The following NRP2 variants were observed in gnomAD, a reference collection of about 807,000 sequenced individuals.
The protein encoded by NRP2 is neuropilin 2, also known as neuropilin-2.
NRP2 carries 52 observed loss-of-function variants against 110.4 expected under a neutral mutation model. The observed-to-expected ratio is 0.47, with a 90% CI of 0.38 to 0.59. NRP2 has a LOEUF of 0.59. Ranked by LOEUF, NRP2 falls within the 20% of genes least tolerant of loss-of-function variation. NRP2 has a pLI of 0.00. For synonymous variants in NRP2, 508 were observed against 468.9 expected (o/e 1.08, Z -1.08); for missense variants, 1,049 against 1,203.0 (o/e 0.87, Z 1.89).
chr2:205,761,681 T>C (rs1251704740), intron 12 of NRP2, among the ~76,000 whole-genome samples: 4 of 152,160 alleles, frequency 2.6e-5, no homozygotes, highest in Non-Finnish European at 5.9e-5. Flanking sequence ...CAGAGTGTGA[T>C]TGATTGCAAG....
chr2:205,778,374 G>T (rs980456131), intron 15 of NRP2: 3 of 152,100 alleles, frequency 2.0e-5, no homozygotes, highest in African/African-American at 4.8e-5. Flanking sequence ...CTATTTCAAA[G>T]AGCTACTCTG....
chr2:205,695,138 C>T (rs1039180495), intron 1 of NRP2, among the ~76,000 whole-genome samples: 4 of 152,132 alleles, frequency 2.6e-5, no homozygotes, highest in Admixed American at 2.0e-4. Flanking sequence ...ACAACTGAAG[C>T]AGATGTTCTA....
At chr2:205,719,536 ATG>A (rs142071748) in intron 3 of NRP2, among the ~76,000 whole-genome samples, 14 of 151,368 alleles carry the variant, frequency 9.2e-5, no homozygotes, top group Admixed American at 3.9e-4. Flanking sequence ...TCAGTGGAAA[ATG>A]TGTGTGTGTG....
intron 1 of NRP2, among the ~76,000 whole-genome samples, chr2:205,685,530 G>A (rs1310201977): frequency 6.6e-6 from 1 of 152,228 alleles, no homozygotes; most frequent in Non-Finnish European, 1.5e-5. Flanking sequence ...AGGTGCGCGC[G>A]GGGGAGCAAC....
chr2:205,710,560 C>T (rs181559105), intron 2 of NRP2, among the ~76,000 whole-genome samples: 1 of 152,210 alleles, frequency 6.6e-6, no homozygotes, highest in Non-Finnish European at 1.5e-5. Context: ...AAAAGTCTGA[C>T]CTGACAGTGA....
rs3072627 is a variant in NRP2 at position 205,697,312 on chromosome 2, C to CTGTGTGTGTGTGTGTGTGTGTGTG, written c.74-222_74-199dup. 7.2e-3 allele frequency among the ~76,000 whole-genome samples: 998 copies of CTGTGTGTGTGTGTGTGTGTGTGTG among 137,894 alleles called. 27 individuals carry two copies. Among genetic ancestry groups the CTGTGTGTGTGTGTGTGTGTGTGTG allele is most frequent in the African/African-American group, 0.026 (914 of 34,678 alleles). The allele number at this position is 137,894 out of a possible 152,430, so 90.5% of individuals were successfully genotyped here. A position where few individuals can be genotyped will look rare whatever the true frequency, so the allele number is the denominator to read the frequency against. On this transcript the variant is annotated intron_variant, in intron 1 of 16. Transcript: ENST00000357785. ...TGGCCATGTTCTGGAATACTTTCAT[C>CTGTGTGTGTGTGTGTGTGTGTGTG]TGTGTGTGTGTGTGTGTGTGTGTGT...
chr2:205,698,063 C>T (rs2056473264), intron 2 of NRP2, among the ~76,000 whole-genome samples: 1 of 152,056 alleles, frequency 6.6e-6, no homozygotes, highest in South Asian at 2.1e-4. Context: ...TGGAGATCTC[C>T]CCATTTCCAC....
In NRP2 at chr2:205,716,253, CTG is replaced by C. The variant is rs745414434; in HGVS notation, c.315_316del (p.Cys105TrpfsTer42). ...SESADLLGKH[C>X]GNIAPPTIIS... ...AATCCGCAGACCTCCTGGGCAAACA[CTG>C]TGGGAACATCGCCCCGCCCACCATC... On this transcript the variant is annotated frameshift_variant, in exon 3 of 17. Coordinates refer to ENST00000357785, the MANE Select transcript of NRP2 (RefSeq NM_003872.3). LOFTEE classifies it high-confidence loss of function. 1.9e-6 allele frequency: 3 copies of C among 1,614,220 alleles called. No homozygotes were observed. The highest frequency in any genetic ancestry group is 2.5e-6 in the Non-Finnish European group (3 of 1,180,044).
chr2:205,740,797 C>T, intron 8 of NRP2, 134 bp downstream of exon 8: 1 of 947,996 alleles, frequency 1.1e-6, no homozygotes, highest in South Asian at 1.6e-5. Context: ...CAAGTCCTAC[C>T]AGAGTTTGTC....
chr2:205,734,052 A>G (rs1382108335), intron 7 of NRP2, among the ~76,000 whole-genome samples: 1 of 152,124 alleles, frequency 6.6e-6, no homozygotes, highest in Non-Finnish European at 1.5e-5. Context: ...TGACAAAAAC[A>G]GCCCGAAAGT....
intron 2 of NRP2, among the ~76,000 whole-genome samples, chr2:205,706,331 A>C (rs1452394918): frequency 2.6e-5 from 4 of 151,826 alleles, no homozygotes; most frequent in Non-Finnish European, 5.9e-5. Context: ...ACGAGGGGGG[A>C]AATGGTGGAA....
At chr2:205,768,917 A>G (rs1313423898) in intron 15 of NRP2, among the ~76,000 whole-genome samples, 1 of 152,228 alleles carries the variant, frequency 6.6e-6, no homozygotes, top group East Asian at 1.9e-4. Context: ...CACGTTTTAC[A>G]TGGAGATCTG....
chr2:205,707,971 G>A (rs1180130618), intron 2 of NRP2, among the ~76,000 whole-genome samples: 1 of 152,210 alleles, frequency 6.6e-6, no homozygotes, highest in Admixed American at 6.5e-5. Flanking sequence ...GGCCAACTGA[G>A]GCACACAAGC....
intron 2 of NRP2, among the ~76,000 whole-genome samples, chr2:205,698,653 C>G (rs1475599320): frequency 6.6e-6 from 1 of 152,168 alleles, no homozygotes; most frequent in East Asian, 1.9e-4. Context: ...CTACTGAGCT[C>G]CATCTTAAAG....
At chr2:205,733,742 C>G (rs866466247) in intron 7 of NRP2, among the ~76,000 whole-genome samples, 15 of 152,210 alleles carry the variant, frequency 9.9e-5, no homozygotes, top group Admixed American at 3.9e-4. Context: ...ACTGTTCCCC[C>G]CAAGCCCGCT....
chr2:205,785,597 A>G (rs2058227459), intron 15 of NRP2, among the ~76,000 whole-genome samples: 2 of 152,232 alleles, frequency 1.3e-5, no homozygotes, highest in South Asian at 4.1e-4. Context: ...ATTTTCTTTC[A>G]TCAGCTTTGC....
intron 12 of NRP2, 96 bp downstream of exon 12, chr2:205,753,071 C>T: frequency 6.7e-7 from 1 of 1,485,200 alleles, no homozygotes. Context: ...TAACTTCCCA[C>T]CGCACAGCAA....
chr2:205,776,209 C>T (rs965541460), intron 15 of NRP2: 2 of 1,579,524 alleles, frequency 1.3e-6, no homozygotes, highest in East Asian at 4.5e-5. Context: ...TCTGCATGCT[C>T]TCAGCCTAGC....
At chr2:205,773,721 T>G (rs958140874) in intron 15 of NRP2, among the ~76,000 whole-genome samples, 1 of 152,230 alleles carries the variant, frequency 6.6e-6, no homozygotes, top group Admixed American at 6.5e-5. Flanking sequence ...ACATGAAGGC[T>G]TCATCCTTCT....
Sources: allele counts gnomAD v4.1 joint callset (sites outside exome capture counted in the v4.1 genomes callset), GRCh38; gene constraint gnomAD v4.1.1; transcripts MANE v1.5; gene names NCBI Gene and HGNC (gene_info 2026-07-23, HGNC 2026-07-21).